IFT140: variants seen among roughly 807,000 people sequenced by gnomAD.
The protein encoded by IFT140 is intraflagellar transport 140, also known as intraflagellar transport protein 140 homolog.
In IFT140, 133 loss-of-function variants were observed where a neutral mutation model predicts 164.6. The observed-to-expected ratio is 0.81, with a 90% confidence interval of 0.70 to 0.93. The LOEUF (loss-of-function observed/expected upper bound fraction) is 0.93. Ranked by LOEUF, IFT140 falls within the 40% of genes least tolerant of loss-of-function variation. The pLI, the probability that IFT140 is intolerant of heterozygous loss-of-function variation, is 0.00. For synonymous variants in IFT140, 860 were observed against 817.3 expected (o/e 1.05, Z -0.89); for missense variants, 2,045 against 1,972.3 (o/e 1.04, Z -0.70).
chr16:1,526,340 G>A (rs2040696224), intron 20 of IFT140: 2 of 405,930 alleles, frequency 4.9e-6, no homozygotes, highest in Non-Finnish European at 4.4e-6. Flanking sequence ...CTCCCCAGAA[G>A]TCCCGTGCTC....
intron 18 of IFT140, among the ~76,000 whole-genome samples, chr16:1,559,282 T>C (rs2033278107): frequency 6.6e-6 from 1 of 152,218 alleles, no homozygotes; most frequent in South Asian, 2.1e-4. Flanking sequence ...CTGATAACAA[T>C]GTCAGCTTGG....
chr16:1,582,574 A>C (rs573501558), intron 12 of IFT140, among the ~76,000 whole-genome samples: 2 of 152,392 alleles, frequency 1.3e-5, no homozygotes, highest in East Asian at 1.9e-4. Context: ...CTGCCTCAGG[A>C]AACTCCCATA....
rs1414486611 is a variant in IFT140 at position 1,546,988 on chromosome 16, C to T, written c.2399+10947G>A. 2.0e-5 allele frequency among the ~76,000 whole-genome samples: 3 copies of T among 152,352 alleles called. No individual in the cohort carries two copies. The East Asian group carries it at 5.8e-4, about 29-fold the overall frequency. Reference sequence around the variant, plus strand: ...CCCCAGTCGGTGCTCACATGACACTCTCTGCATCCGTGTGGGGACCTGTGG... The same window carrying T: ...CCCCAGTCGGTGCTCACATGACACTTTCTGCATCCGTGTGGGGACCTGTGG... On this transcript the variant is annotated intron_variant, in intron 19 of 30. Coordinates refer to ENST00000426508, the MANE Select transcript of IFT140 (RefSeq NM_014714.4).
intron 19 of IFT140, chr16:1,554,740 T>C (rs2032950003): frequency 1.9e-6 from 3 of 1,606,378 alleles, no homozygotes; most frequent in Admixed American, 1.7e-5. Flanking sequence ...GGAACCCGCC[T>C]TCCTCTCAGA....
chr16:1,541,845 G>C (rs2031672499), intron 19 of IFT140: 3 of 1,473,420 alleles, frequency 2.0e-6, no homozygotes, highest in Non-Finnish European at 1.8e-6. Context: ...CAGAGACCAC[G>C]AAAGTGGCGT....
In IFT140 at chr16:1,571,438, C is replaced by T. The variant is rs1479676612; in HGVS notation, c.1621G>A (p.Ala541Thr). Residue 541 changes from alanine to threonine, a missense_variant, in exon 14 of 31, where the codon GCT becomes ACT. Physicochemically the swap from Ala to Thr is moderately conservative, Grantham distance 58. Transcript: ENST00000426508. The part of the protein sequence containing the change: ...GNFLVVGTDL[A>T]HFKSFDLSRR... The stretch of plus-strand genomic sequence containing the variant: ...GAAAGATCAAAGCTTTTAAAGTGAG[C>T]CAAGTCTGTCCCTACAACCAGGAAA... The T allele has an allele frequency of 6.2e-7, 1 of 1,613,996 alleles. No individual in the cohort carries two copies. Among genetic ancestry groups the T allele is most frequent in the Non-Finnish European group, 8.5e-7 (1 of 1,179,990 alleles).
chr16:1,559,100 T>C (rs919521951), intron 18 of IFT140, among the ~76,000 whole-genome samples: 1 of 151,916 alleles, frequency 6.6e-6, no homozygotes, highest in Non-Finnish European at 1.5e-5. Context: ...GGCGATGGAG[T>C]GGAGGGCCTG....
Position 1,566,206 on chromosome 16 carries a change from A to G in IFT140, c.1856T>C (p.Ile619Thr), listed in dbSNP as rs759612242. The G allele has an allele frequency of 1.7e-5, 28 of 1,613,780 alleles. No homozygotes were observed. The highest frequency in any genetic ancestry group is 3.3e-5 in the Admixed American group (2 of 60,006). ...VTVFDFKTGQ[I>T]DRRETLSFNE... ...AAAGGACAGCGTCTCTCTCCGATCA[A>G]TTTGTCCAGTCTTGAAGTCAAAGAC... is the stretch of plus-strand genomic sequence containing the variant. Residue 619 changes from isoleucine (I) to threonine (T), a missense_variant, in exon 16 of 31, where the codon ATT becomes ACT. Physicochemically the swap from Ile to Thr is moderately conservative, Grantham distance 89. Transcript: ENST00000426508.
intron 3 of IFT140, among the ~76,000 whole-genome samples, chr16:1,603,156 C>T (rs2035880137): frequency 1.3e-5 from 2 of 152,244 alleles, no homozygotes; most frequent in South Asian, 4.2e-4. Context: ...TGGAGTGCCA[C>T]CTTGTCATGA....
chr16:1,583,253 A>C lies in IFT140; in HGVS notation c.1432+61T>G, dbSNP rs2034673421. 5 of 1,411,408 alleles carry C rather than the reference A, an allele frequency of 3.5e-6. No homozygotes were observed. The East Asian group carries it at 1.1e-4, about 32-fold the overall frequency. 87.4% of individuals were successfully genotyped at this position (1,411,408 alleles called of 1,614,324 possible). On this transcript the variant is annotated intron_variant, in intron 12 of 30. Coordinates refer to ENST00000426508, the MANE Select transcript of IFT140 (RefSeq NM_014714.4). ...ACTGCACCACAGTGGCCCTCTCATTAGGCAGGGAGGAAATAAAGCCAGGTA... is the reference window on the plus strand; with the variant it reads ...ACTGCACCACAGTGGCCCTCTCATTCGGCAGGGAGGAAATAAAGCCAGGTA...
intron 2 of IFT140, among the ~76,000 whole-genome samples, chr16:1,608,908 CA>C (rs1352420214): frequency 6.6e-6 from 1 of 152,050 alleles, no homozygotes; most frequent in East Asian, 1.9e-4. Flanking sequence ...GTAATCCCAG[CA>C]CTTTGGGAGG....
chr16:1,594,022 G>A (rs2035325766), intron 4 of IFT140, among the ~76,000 whole-genome samples: 1 of 152,132 alleles, frequency 6.6e-6, no homozygotes, highest in Non-Finnish European at 1.5e-5. Flanking sequence ...GTTTGCATCA[G>A]GGTGGACACG....
chr16:1,585,547 C>T (rs972503302), intron 10 of IFT140, among the ~76,000 whole-genome samples: 3 of 152,080 alleles, frequency 2.0e-5, no homozygotes, highest in Non-Finnish European at 4.4e-5. Flanking sequence ...TGAGTTATAT[C>T]TCAGTAAAGC....
chr16:1,520,218 C>T lies in IFT140; in HGVS notation c.3786G>A (p.Glu1262=), dbSNP rs1465857909. The change falls in exon 28 of 31, where the codon GAG becomes GAA. Residue 1262 remains glutamate (E), a synonymous_variant. Coordinates refer to ENST00000426508, the MANE Select transcript of IFT140 (RefSeq NM_014714.4). ...CGATGATGTTCTTCATGATCTCCGG[C>T]TCCTTCCGCCAGTCCAGGGACTGCA... ...NYLQSLDWRK[E]PEIMKNIIGF... is the part of the protein sequence containing the mutation. 1.2e-6 allele frequency: 2 copies of T among 1,614,246 alleles called. No homozygotes were observed. The highest frequency in any genetic ancestry group is 4.5e-5 in the East Asian group (2 of 44,888).
intron 13 of IFT140, among the ~76,000 whole-genome samples, chr16:1,575,636 T>C (rs989737293): frequency 6.6e-6 from 1 of 152,192 alleles, no homozygotes; most frequent in African/African-American, 2.4e-5. Context: ...TCCCAAGCTC[T>C]ACAAGTAGGA....
At chr16:1,585,408 C>G (rs2141829933) in intron 10 of IFT140, among the ~76,000 whole-genome samples, 1 of 152,222 alleles carries the variant, frequency 6.6e-6, no homozygotes, top group South Asian at 2.1e-4. Context: ...CTGCCAAGGG[C>G]TGGAGAGGGG....
At chr16:1,530,527 C>T (rs937110745) in intron 19 of IFT140, among the ~76,000 whole-genome samples, 1 of 152,344 alleles carries the variant, frequency 6.6e-6, no homozygotes, top group Middle Eastern at 3.4e-3. Context: ...CTCTACCTGC[C>T]CCGCGTGGCT....
At chr16:1,524,089 G>C (rs981661295) in intron 24 of IFT140, 133 bp from the exon 25 acceptor site, 1 of 1,169,822 alleles carries the variant, frequency 8.5e-7, no homozygotes, top group Non-Finnish European at 1.2e-6. Flanking sequence ...TGCGGTGATG[G>C]GTTTTAAGGA....
At chr16:1,527,435 G>A (rs1202834544) in intron 19 of IFT140, among the ~76,000 whole-genome samples, 2 of 152,198 alleles carry the variant, frequency 1.3e-5, no homozygotes, top group African/African-American at 4.8e-5. Flanking sequence ...TGGGTCACGG[G>A]GGACAGCACC....
Sources: allele counts gnomAD v4.1 joint callset (sites outside exome capture counted in the v4.1 genomes callset), GRCh38; gene constraint gnomAD v4.1.1; transcripts MANE v1.5; gene names NCBI Gene and HGNC (gene_info 2026-07-23, HGNC 2026-07-21).